STXBP5L: variants seen among roughly 807,000 people sequenced by gnomAD.
STXBP5L encodes syntaxin-binding protein 5-like.
In STXBP5L, 65 loss-of-function variants were observed where a neutral mutation model predicts 144.5. That is an observed-to-expected ratio of 0.45 (90% CI 0.37 to 0.55). The LOEUF (loss-of-function observed/expected upper bound fraction) is 0.55. STXBP5L is among the 20% of genes least tolerant of loss of function. STXBP5L has a pLI of 0.00. For synonymous variants in STXBP5L, 505 were observed against 469.6 expected (o/e 1.08, Z -0.97); for missense variants, 1,298 against 1,405.5 (o/e 0.92, Z 1.22).
intron 10 of STXBP5L, among the ~76,000 whole-genome samples, chr3:121,212,849 T>C (rs1354618710): frequency 6.6e-6 from 1 of 152,224 alleles, no homozygotes; most frequent in African/African-American, 2.4e-5. Context: ...TCCATTAGCA[T>C]GGAATGCTTT....
intron 9 of STXBP5L, among the ~76,000 whole-genome samples, chr3:121,190,756 G>GGATGGGGCAGCTGCCA (rs1559845592): frequency 8.4e-6 from 1 of 119,654 alleles, no homozygotes; most frequent in Non-Finnish European, 1.9e-5. Flanking sequence ...GGCAGCTGCC[G>GGATGGGGCAGCTGCCA]GGCGGAGGGG....
chr3:121,395,584 T>A (rs941069441), intron 22 of STXBP5L, among the ~76,000 whole-genome samples: 1 of 152,204 alleles, frequency 6.6e-6, no homozygotes. Flanking sequence ...TGATAAATAC[T>A]GAGATCAGAA....
At chr3:121,375,080 T>C (rs2046145347) in intron 20 of STXBP5L, among the ~76,000 whole-genome samples, 1 of 152,104 alleles carries the variant, frequency 6.6e-6, no homozygotes, top group African/African-American at 2.4e-5. Flanking sequence ...ACAGAGTACT[T>C]ATTCAGATGT....
At chr3:121,418,759 T>C (rs1346316666) in intron 26 of STXBP5L, among the ~76,000 whole-genome samples, 3 of 131,712 alleles carry the variant, frequency 2.3e-5, no homozygotes, top group Non-Finnish European at 5.0e-5. Context: ...AATGTATCGA[T>C]ACTTCTTTAC....
chr3:121,193,863 C>A (rs2047808722), intron 9 of STXBP5L, among the ~76,000 whole-genome samples: 1 of 151,850 alleles, frequency 6.6e-6, no homozygotes, highest in Non-Finnish European at 1.5e-5. Context: ...TAGGAGAATA[C>A]CTAATGTTAA....
rs572105623 is a variant in STXBP5L at position 121,248,051 on chromosome 3, T to G, written c.1401-2672T>G. ...GATGGTATCCTACTGTGTTTTGATT[T>G]TCTTTTTTTTTCTTCTTTTTTTTGA... On this transcript the variant is annotated intron_variant, in intron 14 of 26. Coordinates refer to ENST00000471454, the MANE Select transcript of STXBP5L (RefSeq NM_001308330.2). Among the ~76,000 whole-genome samples, 4 of 152,322 alleles carry G rather than the reference T, an allele frequency of 2.6e-5. No individual in the cohort carries two copies. In the East Asian group the frequency reaches 7.7e-4, roughly 29 times the overall value.
At chr3:121,410,182 G>A (rs922569764) in intron 23 of STXBP5L, among the ~76,000 whole-genome samples, 2 of 151,578 alleles carry the variant, frequency 1.3e-5, no homozygotes, top group Non-Finnish European at 2.9e-5. Flanking sequence ...CTCAGATTTG[G>A]GGGGGAAAAA....
At chr3:121,092,526 T>C (rs1311525951) in intron 5 of STXBP5L, among the ~76,000 whole-genome samples, 2 of 152,220 alleles carry the variant, frequency 1.3e-5, no homozygotes, top group South Asian at 2.1e-4. Flanking sequence ...TTATTCTCTT[T>C]GAAGCAATTG....
At chr3:121,152,739 A>G (rs187852691) in intron 8 of STXBP5L, among the ~76,000 whole-genome samples, 179 bp downstream of exon 8, 1 of 152,236 alleles carries the variant, frequency 6.6e-6, no homozygotes, top group Admixed American at 6.5e-5. Context: ...TTCTTTTAAG[A>G]GGAAATTCTG....
At position 121,358,405 on chromosome 3, in the gene STXBP5L, C is replaced by T. The variant is rs184793480; in HGVS notation, c.2177-20311C>T. On this transcript the variant is annotated intron_variant, in intron 20 of 26. Transcript: ENST00000471454. ...ACATGGCTGGGGAGGCCTCAGAAAA[C>T]TTATACTCATGGTGGACAGTGAAGG... Among the ~76,000 whole-genome samples, 159 of 152,186 alleles carry T rather than the reference C, an allele frequency of 1.0e-3. 2 individuals carry two copies. Among genetic ancestry groups the T allele is most frequent in the Non-Finnish European group, 1.8e-3 (123 of 68,028 alleles).
intron 11 of STXBP5L, among the ~76,000 whole-genome samples, chr3:121,231,853 T>C (rs961393495): frequency 3.9e-5 from 6 of 152,152 alleles, no homozygotes; most frequent in African/African-American, 1.4e-4. Flanking sequence ...TTACTGCTCA[T>C]ATCAGAATAC....
At chr3:121,185,248 G>T (rs1046145776) in intron 9 of STXBP5L, among the ~76,000 whole-genome samples, 23 of 152,188 alleles carry the variant, frequency 1.5e-4, no homozygotes, top group Non-Finnish European at 2.9e-5. Flanking sequence ...TCTGTAGGTT[G>T]CCTGTTCACT....
chr3:121,199,159 C>T (rs1399833349), intron 9 of STXBP5L, among the ~76,000 whole-genome samples: 4 of 151,496 alleles, frequency 2.6e-5, no homozygotes, highest in African/African-American at 7.3e-5. Context: ...CTGATTACCT[C>T]GCAGTGGTTT....
chr3:121,190,211 G>A (rs35983445), intron 9 of STXBP5L, among the ~76,000 whole-genome samples: 15,082 of 152,110 alleles, frequency 0.099, 1,178 homozygotes, highest in Admixed American at 0.2. Flanking sequence ...GCGGCCTTCC[G>A]CAGTGTTTGT....
intron 3 of STXBP5L, among the ~76,000 whole-genome samples, chr3:121,005,066 A>C (rs1944160601): frequency 6.6e-6 from 1 of 152,186 alleles, no homozygotes; most frequent in East Asian, 1.9e-4. Context: ...CTGGCTTCAT[A>C]AAATGAGTTA....
intron 20 of STXBP5L, among the ~76,000 whole-genome samples, chr3:121,322,181 A>G (rs1177882507): frequency 2.0e-5 from 3 of 152,160 alleles, no homozygotes; most frequent in Middle Eastern, 3.2e-3. Flanking sequence ...ATGTTGCTTT[A>G]AAGGACATGA....
intron 9 of STXBP5L, among the ~76,000 whole-genome samples, chr3:121,187,699 C>G (rs1450745203): frequency 6.6e-6 from 1 of 151,480 alleles, no homozygotes; most frequent in Non-Finnish European, 1.5e-5. Context: ...CAATGTTAAC[C>G]TTAAATGTAA....
chr3:121,194,081 A>C (rs1056099037), intron 9 of STXBP5L, among the ~76,000 whole-genome samples: 1 of 152,158 alleles, frequency 6.6e-6, no homozygotes, highest in Admixed American at 6.5e-5. Context: ...ATATGATTCA[A>C]TGATTTTGAG....
chr3:121,153,242 G>A (rs2045992223), intron 8 of STXBP5L, among the ~76,000 whole-genome samples: 1 of 151,916 alleles, frequency 6.6e-6, no homozygotes, highest in Non-Finnish European at 1.5e-5. Flanking sequence ...ATTAATTCCG[G>A]GCCATTAATT....
Sources: gnomAD v4.1 joint callset for allele counts (sites outside exome capture counted in the v4.1 genomes callset) on GRCh38, gnomAD v4.1.1 for gene constraint, MANE v1.5 for transcripts, NCBI Gene and HGNC (gene_info 2026-07-23, HGNC 2026-07-21) for gene names.